CSMD1: variants seen among roughly 807,000 people sequenced by gnomAD.
CSMD1 encodes the protein CUB and Sushi multiple domains 1.
In CSMD1, 213 loss-of-function variants were observed where a neutral mutation model predicts 417.5. That is an observed-to-expected ratio of 0.51 (90% CI 0.46 to 0.57). The LOEUF (loss-of-function observed/expected upper bound fraction) is 0.57. CSMD1 is among the 20% of genes least tolerant of loss of function. The probability of loss-of-function intolerance (pLI) is 0.00; values close to 1 mark genes in which losing one functional copy is unlikely to be tolerated. For missense variants in CSMD1, 6,923 were observed against 4,529.7 expected (o/e 1.53, Z -15.17); for synonymous variants, 2,862 against 1,736.8 (o/e 1.65, Z -16.11).
intron 5 of CSMD1, among the ~76,000 whole-genome samples, chr8:3,903,807 G>C (rs551077777): frequency 2.0e-5 from 3 of 151,998 alleles, no homozygotes; most frequent in African/African-American, 7.2e-5. Context: ...GTGTTCCATG[G>C]GTCATGTTTT....
intron 5 of CSMD1, among the ~76,000 whole-genome samples, chr8:3,899,752 T>G (rs1386878052): frequency 6.6e-6 from 1 of 152,150 alleles, no homozygotes; most frequent in African/African-American, 2.4e-5. Flanking sequence ...GGAAGGGCTG[T>G]ATGACCAGCT....
At chr8:3,997,511 A>T (rs559538146) in intron 5 of CSMD1, among the ~76,000 whole-genome samples, 1 of 152,348 alleles carries the variant, frequency 6.6e-6, no homozygotes, top group East Asian at 1.9e-4. Context: ...GCACAATCAT[A>T]TATCTGCAGC....
chr8:3,678,204 T>A (rs894905067), intron 7 of CSMD1, among the ~76,000 whole-genome samples: 2 of 152,152 alleles, frequency 1.3e-5, no homozygotes, highest in African/African-American at 4.8e-5. Context: ...TTTGATGAGC[T>A]GAGAGAAGAA....
chr8:4,534,586 C>A (rs1024356814), intron 2 of CSMD1, among the ~76,000 whole-genome samples: 3 of 152,098 alleles, frequency 2.0e-5, no homozygotes, highest in African/African-American at 7.2e-5. Flanking sequence ...CTCCCCTCCT[C>A]CCTCTTTCCC....
chr8:4,926,245 CAA>C, intron 1 of CSMD1, among the ~76,000 whole-genome samples: 1 of 152,190 alleles, frequency 6.6e-6, no homozygotes, highest in African/African-American at 2.4e-5. Context: ...CTTGTGGACA[CAA>C]TGAATAAATG....
At chr8:4,468,927 G>T (rs1455963513) in intron 2 of CSMD1, among the ~76,000 whole-genome samples, 1 of 147,354 alleles carries the variant, frequency 6.8e-6, no homozygotes, top group Non-Finnish European at 1.5e-5. Flanking sequence ...CTGGAAACAA[G>T]CTCATTCTGT....
chr8:3,381,394 G>A (rs1297054180), intron 18 of CSMD1, among the ~76,000 whole-genome samples: 1 of 152,064 alleles, frequency 6.6e-6, no homozygotes, highest in Admixed American at 6.6e-5. Flanking sequence ...ATATGTGTTT[G>A]CATGGCACAT....
chr8:4,646,048 AT>A (rs977868246), intron 1 of CSMD1, among the ~76,000 whole-genome samples: 1 of 152,040 alleles, frequency 6.6e-6, no homozygotes, highest in Non-Finnish European at 1.5e-5. Flanking sequence ...GAAATAAACG[AT>A]TTTTTTGCCT....
intron 5 of CSMD1, among the ~76,000 whole-genome samples, chr8:3,811,094 GT>G (rs1210889961): frequency 2.0e-5 from 3 of 152,152 alleles, no homozygotes; most frequent in African/African-American, 7.2e-5. Context: ...GATAAAGGTA[GT>G]TCTAAGGTGA....
At chr8:3,635,793 C>CAAAAA (rs752552617) in intron 7 of CSMD1, among the ~76,000 whole-genome samples, 52 of 99,074 alleles carry the variant, frequency 5.2e-4, no homozygotes, top group African/African-American at 6.6e-4. Flanking sequence ...GCTTCCATCT[C>CAAAAA]AAAAAAAAAA....
At position 4,426,129 on chromosome 8, in the gene CSMD1, G is replaced by C. The variant is rs183241831; in HGVS notation, c.303-6064C>G. Among the ~76,000 whole-genome samples, 826 of 151,584 alleles carry C rather than the reference G, an allele frequency of 5.4e-3. 3 individuals carry two copies. Among genetic ancestry groups the C allele is most frequent in the Non-Finnish European group, 8.8e-3 (597 of 67,894 alleles). On this transcript the variant is annotated intron_variant, in intron 2 of 69. Transcript: ENST00000635120. The stretch of plus-strand genomic sequence containing the variant: ...TTATCGCCTATGGATGTGACAGAGA[G>C]ACTGACATTAATTTCCAGACAGCAT...
At chr8:4,356,681 T>A (rs936074617) in intron 3 of CSMD1, among the ~76,000 whole-genome samples, 14 of 152,146 alleles carry the variant, frequency 9.2e-5, no homozygotes, top group Non-Finnish European at 1.8e-4. Flanking sequence ...GAGGGCTTCT[T>A]TCCATGTGTT....
intron 49 of CSMD1, among the ~76,000 whole-genome samples, chr8:3,077,345 T>C (rs1813756629): frequency 1.3e-5 from 2 of 152,006 alleles, no homozygotes; most frequent in South Asian, 2.1e-4. Context: ...GACTGAGCCC[T>C]GAAATGAGAA....
intron 11 of CSMD1, among the ~76,000 whole-genome samples, chr8:3,475,603 A>G (rs1326290488): frequency 1.3e-5 from 2 of 152,108 alleles, no homozygotes; most frequent in African/African-American, 4.8e-5. Context: ...TATTAATCCA[A>G]CCTGAAGGAA....
At chr8:4,266,985 A>G in intron 3 of CSMD1, among the ~76,000 whole-genome samples, 1 of 104,996 alleles carries the variant, frequency 9.5e-6, no homozygotes, top group Admixed American at 9.0e-5. Flanking sequence ...TAAGAAGATA[A>G]AAATCACTTT....
In CSMD1 at chr8:2,966,656, C is replaced by G; in HGVS notation, c.9014G>C (p.Cys3005Ser). Residue 3005 changes from cysteine (C) to serine (S), a missense_variant, in exon 58 of 70, where the codon TGC (cysteine) becomes TCC (serine). By Grantham distance (112) the Cys-to-Ser change is moderately radical. Transcript: ENST00000635120. Reference protein sequence around the residue: ...ILFSSSVIYACWEGYKTSGLM... With the variant: ...ILFSSSVIYASWEGYKTSGLM... ...CCCTGAGGTCTTGTAGCCTTCCCAG[C>G]AGGCATAGATGACCGAGCTGGAGAA... 1.2e-6 allele frequency: 2 copies of G among 1,613,762 alleles called. No individual in the cohort carries two copies. Among genetic ancestry groups the G allele is most frequent in the Non-Finnish European group, 1.7e-6 (2 of 1,179,776 alleles).
intron 1 of CSMD1, among the ~76,000 whole-genome samples, chr8:4,993,176 T>G (rs1184064903): frequency 6.6e-6 from 1 of 151,874 alleles, no homozygotes; most frequent in Non-Finnish European, 1.5e-5. Flanking sequence ...GGAAATATTA[T>G]GTAGGGAAAA....
At chr8:3,339,602 A>C (rs1422196931) in intron 23 of CSMD1, among the ~76,000 whole-genome samples, 2 of 152,196 alleles carry the variant, frequency 1.3e-5, no homozygotes, top group Non-Finnish European at 2.9e-5. Context: ...TGTCAATATC[A>C]ATAAATTACT....
chr8:4,041,173 C>G (rs559659663), intron 3 of CSMD1, among the ~76,000 whole-genome samples: 5 of 151,810 alleles, frequency 3.3e-5, no homozygotes, highest in Admixed American at 6.6e-5. Flanking sequence ...CCCGCCACCA[C>G]GCCCGGCTAA....
Sources: allele counts gnomAD v4.1 joint callset (sites outside exome capture counted in the v4.1 genomes callset), GRCh38; gene constraint gnomAD v4.1.1; transcripts MANE v1.5; gene names NCBI Gene and HGNC (gene_info 2026-07-23, HGNC 2026-07-21).